The following KIF26B variants were observed in gnomAD, a reference collection of about 807,000 sequenced individuals.
KIF26B encodes kinesin family member 26B.
A neutral mutation model predicts 151.2 loss-of-function variants in KIF26B; 63 were observed. The ratio of observed to expected loss-of-function variants is 0.42; its 90% CI spans 0.34 to 0.51. The LOEUF (loss-of-function observed/expected upper bound fraction) is 0.51, where lower values mean the gene tolerates loss of function less well. KIF26B is among the 20% of genes least tolerant of loss of function. The probability of loss-of-function intolerance (pLI) is 0.07; values close to 1 mark genes in which losing one functional copy is unlikely to be tolerated. For missense variants in KIF26B, 2,813 were observed against 2,913.6 expected, an observed-to-expected ratio of 0.97 and a Z score of 0.79; for synonymous variants, 1,357 against 1,262.1, an observed-to-expected ratio of 1.08 and a Z score of -1.59.
chr1:245,661,776 G>T (rs919060198), intron 10 of KIF26B, among the ~76,000 whole-genome samples: 1 of 92,376 alleles, frequency 1.1e-5, no homozygotes, highest in African/African-American at 4.0e-5. Context: ...TACACCCAAT[G>T]ATATATATAC....
intron 2 of KIF26B, among the ~76,000 whole-genome samples, chr1:245,197,588 G>A (rs56161836): frequency 0.13 from 19,163 of 152,114 alleles, 1,710 homozygotes; most frequent in East Asian, 0.44. Flanking sequence ...GAGAAGCAGG[G>A]TCAAGCAATG....
chr1:245,360,771 G>T lies in KIF26B; in HGVS notation c.466-6063G>T, dbSNP rs145510969. ...TCACGCCTGTAATCCCAGAACTTTG[G>T]GAGGCTGAGGTGGGCAGATCACCTG... On this transcript the variant is annotated intron_variant, in intron 2 of 14. Transcript: ENST00000407071. 6.6e-3 allele frequency among the ~76,000 whole-genome samples: 1,009 copies of T among 152,312 alleles called. 11 individuals are homozygous for T. The highest frequency in any genetic ancestry group is 0.023 in the African/African-American group (956 of 41,558).
intron 2 of KIF26B, among the ~76,000 whole-genome samples, chr1:245,199,867 T>G (rs995469225): frequency 6.6e-6 from 1 of 152,180 alleles, no homozygotes; most frequent in African/African-American, 2.4e-5. Flanking sequence ...GTTCATTGAT[T>G]TATTCATGCA....
At chr1:245,454,324 C>T (rs1261858027) in intron 4 of KIF26B, among the ~76,000 whole-genome samples, 1 of 152,116 alleles carries the variant, frequency 6.6e-6, no homozygotes, top group African/African-American at 2.4e-5. Flanking sequence ...CTAAGTAGTT[C>T]TAGTTTCTAT....
intron 10 of KIF26B, among the ~76,000 whole-genome samples, chr1:245,662,486 AATAT>A (rs72033356): frequency 4.8e-5 from 7 of 145,078 alleles, no homozygotes; most frequent in East Asian, 2.0e-4. Flanking sequence ...ACACACACCC[AATAT>A]ATATATATGT....
At chr1:245,251,024 TCC>T (rs1192204358) in intron 2 of KIF26B, among the ~76,000 whole-genome samples, 1 of 152,168 alleles carries the variant, frequency 6.6e-6, no homozygotes, top group East Asian at 1.9e-4. Flanking sequence ...AAGAGTCTTC[TCC>T]AGTCACATAG....
intron 2 of KIF26B, among the ~76,000 whole-genome samples, chr1:245,247,745 A>G (rs1670363811): frequency 1.3e-5 from 2 of 152,220 alleles, no homozygotes; most frequent in African/African-American, 4.8e-5. Context: ...GCCATCTCTT[A>G]AACTAGAAGG....
At chr1:245,541,404 G>T (rs1373205979) in intron 5 of KIF26B, among the ~76,000 whole-genome samples, 2 of 152,228 alleles carry the variant, frequency 1.3e-5, no homozygotes, top group Non-Finnish European at 2.9e-5. Flanking sequence ...GGGATTGTGA[G>T]GAACGCTGCA....
chr1:245,589,790 G>A (rs2043266143), intron 5 of KIF26B, among the ~76,000 whole-genome samples: 1 of 152,202 alleles, frequency 6.6e-6, no homozygotes, highest in African/African-American at 2.4e-5. Context: ...ACTGATCTAG[G>A]TGAAAGGCCA....
chr1:245,417,772 G>T (rs1674455468), intron 3 of KIF26B, among the ~76,000 whole-genome samples: 1 of 152,240 alleles, frequency 6.6e-6, no homozygotes, highest in Non-Finnish European at 1.5e-5. Context: ...CTGTGCCTCT[G>T]TGTCAGGCAT....
intron 5 of KIF26B, among the ~76,000 whole-genome samples, chr1:245,548,012 G>C (rs1661788735): frequency 6.6e-6 from 1 of 152,160 alleles, no homozygotes; most frequent in African/African-American, 2.4e-5. Context: ...TCCCCTGCCT[G>C]CTTCATATGA....
intron 2 of KIF26B, among the ~76,000 whole-genome samples, chr1:245,246,038 G>A (rs1259875810): frequency 6.6e-6 from 1 of 151,514 alleles, no homozygotes; most frequent in African/African-American, 2.4e-5. Flanking sequence ...CTTGCCATGA[G>A]CCGAGATCGT....
chr1:245,170,718 T>A lies in KIF26B; in HGVS notation c.465+14035T>A, dbSNP rs1668694098. On this transcript the variant is annotated intron_variant, in intron 2 of 14. Transcript: ENST00000407071. This position sits in a 1 kb window ranked among gnomAD's most constrained non-coding sequence, Gnocchi z 4.4. ...AGGGTCTGTTTTGTAAGGGCAGGAA[T>A]CCCAATTATGAGAGCTCTGCCTTCA... Among the ~76,000 whole-genome samples, 1 of 152,164 alleles carries A rather than the reference T, an allele frequency of 6.6e-6. No homozygotes were observed. Among genetic ancestry groups the A allele is most frequent in the Non-Finnish European group, 1.5e-5 (1 of 68,032 alleles).
At chr1:245,291,439 C>T (rs958342728) in intron 2 of KIF26B, among the ~76,000 whole-genome samples, 1 of 152,166 alleles carries the variant, frequency 6.6e-6, no homozygotes, top group African/African-American at 2.4e-5. Flanking sequence ...CATTCTGAAT[C>T]CCTGCCCTTC....
At chr1:245,377,306 A>G (rs1307406747) in intron 3 of KIF26B, among the ~76,000 whole-genome samples, 1 of 152,194 alleles carries the variant, frequency 6.6e-6, no homozygotes, top group Non-Finnish European at 1.5e-5. Context: ...CTTCCTCTGA[A>G]GGCCCCAGGG....
In KIF26B at chr1:245,707,282, A is replaced by T. The variant is rs745629208; in HGVS notation, c.*4676A>T. ...CATTGCATACAAACCTTAATCTCTA[A>T]GCATAGTTGTTCCCAAGGTCCACAC... On this transcript the variant is annotated 3_prime_UTR_variant, in exon 15 of 15. Coordinates refer to ENST00000407071, the MANE Select transcript of KIF26B (RefSeq NM_018012.4). 1.3e-5 allele frequency: 2 copies of T among 152,136 alleles called. No homozygotes were observed. The highest frequency in any genetic ancestry group is 1.3e-4 in the Admixed American group (2 of 15,268). 9.4% of individuals were successfully genotyped at this position (152,136 alleles called of 1,614,324 possible).
rs115130352 is a variant in KIF26B at position 245,702,174 on chromosome 1, G to A, written c.6179-284G>A. On this transcript the variant is annotated intron_variant, in intron 14 of 14. Coordinates refer to ENST00000407071, the MANE Select transcript of KIF26B (RefSeq NM_018012.4). The surrounding 1 kb of genome is among the most constrained non-coding windows in gnomAD (Gnocchi z 4.1). Reference sequence around the variant, plus strand: ...TCTCTCAAATCCTGGGATCCATCCTGGATCCTCCATGGCTGGAGGTAGGGG... The same window carrying A: ...TCTCTCAAATCCTGGGATCCATCCTAGATCCTCCATGGCTGGAGGTAGGGG... 4.8e-3 allele frequency among the ~76,000 whole-genome samples: 735 copies of A among 152,226 alleles called. 2 individuals carry two copies. The highest frequency in any genetic ancestry group is 0.014 in the Middle Eastern group (4 of 294).
intron 6 of KIF26B, among the ~76,000 whole-genome samples, 191 bp from the exon 7 acceptor site, chr1:245,607,460 C>T (rs2043468176): frequency 6.6e-6 from 1 of 152,202 alleles, no homozygotes; most frequent in Non-Finnish European, 1.5e-5. Flanking sequence ...GCATAATGCT[C>T]AGGCTTGCAA....
At chr1:245,679,868 G>A (rs1403502704) in intron 10 of KIF26B, among the ~76,000 whole-genome samples, 1 of 152,068 alleles carries the variant, frequency 6.6e-6, no homozygotes, top group African/African-American at 2.4e-5. Flanking sequence ...TCCTTCCTCA[G>A]GCCCCCGTCA....
Sources: gnomAD v4.1 joint callset for allele counts (sites outside exome capture counted in the v4.1 genomes callset) on GRCh38, gnomAD v4.1.1 for gene constraint, Gnocchi (gnomAD v3.1) non-coding constraint, MANE v1.5 for transcripts, NCBI Gene and HGNC (gene_info 2026-07-23, HGNC 2026-07-21) for gene names.